ST8SIA2: variants seen among roughly 807,000 people sequenced by gnomAD.
The protein encoded by ST8SIA2 is alpha-2,8-sialyltransferase 8B.
A neutral mutation model predicts 37.6 loss-of-function variants in ST8SIA2; 22 were observed. The observed-to-expected ratio is 0.58, with a 90% CI of 0.42 to 0.83. The LOEUF (loss-of-function observed/expected upper bound fraction) is 0.83. Ranked by LOEUF, ST8SIA2 falls within the 40% of genes least tolerant of loss-of-function variation. The pLI is 0.00. For missense variants in ST8SIA2, 382 were observed against 484.7 expected (o/e 0.79, Z 1.99); for synonymous variants, 205 against 201.2 (o/e 1.02, Z -0.16).
rs2050006412 is a variant in ST8SIA2 at position 92,468,175 on chromosome 15, G to C, written c.*3790G>C. ...TTACCTCTGTGCACACTGACACGTGGTCCCGTCCATCCTGAACATGCACAG... is the reference window on the plus strand; with the variant it reads ...TTACCTCTGTGCACACTGACACGTGCTCCCGTCCATCCTGAACATGCACAG... On this transcript the variant is annotated 3_prime_UTR_variant, in exon 6 of 6. Transcript: ENST00000268164. 6.6e-6 allele frequency: 1 copy of C among 152,560 alleles called. No homozygotes were observed. Among genetic ancestry groups the C allele is most frequent in the African/African-American group, 2.4e-5 (1 of 41,416 alleles). 9.5% of individuals were successfully genotyped at this position (152,560 alleles called of 1,614,324 possible). A position where few individuals can be genotyped will look rare whatever the true frequency, so the allele number is the denominator to read the frequency against.
In ST8SIA2 at chr15:92,434,210, A is replaced by T. The variant is rs780802824; in HGVS notation, c.162-37A>T. ...AGACTTGTCGTCGGCTTGCTAACAC[A>T]TCATGTCTACCCTCTTTCTTTTTTT... On this transcript the variant is annotated intron_variant, in intron 2 of 5. Transcript: ENST00000268164. The T allele has an allele frequency of 4.3e-6, 7 of 1,612,920 alleles. No individual in the cohort carries two copies. In the Admixed American group the frequency reaches 5.0e-5, roughly 12 times the overall value.
chr15:92,394,312 G>A (rs1436626443), intron 1 of ST8SIA2, 150 bp downstream of exon 1: 2 of 775,972 alleles, frequency 2.6e-6, no homozygotes, highest in Non-Finnish European at 4.4e-6. Context: ...AGGTGGCGGC[G>A]ACAGGGGCCC....
chr15:92,454,665 C>T (rs2049906799), intron 5 of ST8SIA2, among the ~76,000 whole-genome samples: 1 of 152,012 alleles, frequency 6.6e-6, no homozygotes, highest in Non-Finnish European at 1.5e-5. Context: ...TCACCAGCAG[C>T]TGGCAGGGCC....
chr15:92,413,435 A>G (rs2049564353), intron 1 of ST8SIA2, among the ~76,000 whole-genome samples: 1 of 152,184 alleles, frequency 6.6e-6, no homozygotes, highest in African/African-American at 2.4e-5. Flanking sequence ...CATACCGAAG[A>G]CTGTGTTCTC....
At chr15:92,419,720 C>T (rs2049617730) in intron 1 of ST8SIA2, among the ~76,000 whole-genome samples, 1 of 152,228 alleles carries the variant, frequency 6.6e-6, no homozygotes, top group East Asian at 1.9e-4. Flanking sequence ...AAGTAGTCCT[C>T]TCTGCCCACA....
chr15:92,464,506 T>A lies in ST8SIA2; in HGVS notation c.*121T>A. On this transcript the variant is annotated 3_prime_UTR_variant, in exon 6 of 6. Transcript: ENST00000268164. The stretch of plus-strand genomic sequence containing the variant: ...GCTAGTGGTTTTCTTTGTTAAAGTG[T>A]AAAACAGTGACCAGAATATATATAT... 1.8e-6 allele frequency: 2 copies of A among 1,083,318 alleles called. No homozygotes were observed. The highest frequency in any genetic ancestry group is 2.8e-6 in the Non-Finnish European group (2 of 709,222). The allele number at this position is 1,083,318 out of a possible 1,614,324, so 67.1% of individuals were successfully genotyped here.
At chr15:92,421,555 A>G (rs2049634241) in intron 1 of ST8SIA2, among the ~76,000 whole-genome samples, 1 of 152,234 alleles carries the variant, frequency 6.6e-6, no homozygotes, top group African/African-American at 2.4e-5. Flanking sequence ...TGAAGTAGAT[A>G]CTATTACTCT....
At chr15:92,428,631 A>T (rs1374840931) in intron 1 of ST8SIA2, among the ~76,000 whole-genome samples, 1 of 152,198 alleles carries the variant, frequency 6.6e-6, no homozygotes, top group Admixed American at 6.5e-5. Flanking sequence ...GGACCCCAAC[A>T]TGGAAGTACA....
chr15:92,421,349 C>T (rs920479916), intron 1 of ST8SIA2: 13 of 152,294 alleles, frequency 8.5e-5, no homozygotes, highest in Admixed American at 4.6e-4. Flanking sequence ...CTTTTCACAT[C>T]GTAGAGCAGG....
chr15:92,409,525 C>CT (rs11414895), intron 1 of ST8SIA2, among the ~76,000 whole-genome samples: 106,538 of 152,062 alleles, frequency 0.7, 38,798 homozygotes, highest in African/African-American at 0.88. Flanking sequence ...TTTTGTTCTG[C>CT]TTTTTTCATT....
chr15:92,406,265 ACCT>A (rs1364492410), intron 1 of ST8SIA2, among the ~76,000 whole-genome samples: 2 of 152,124 alleles, frequency 1.3e-5, no homozygotes, highest in Non-Finnish European at 2.9e-5. Context: ...AACGCTGGAC[ACCT>A]CCTGGAGTTT....
At chr15:92,449,879 C>G (rs1247777418) in intron 5 of ST8SIA2, among the ~76,000 whole-genome samples, 2 of 152,026 alleles carry the variant, frequency 1.3e-5, no homozygotes, top group Admixed American at 1.3e-4. Context: ...TTTAAGTTCC[C>G]TATAGATTCT....
intron 1 of ST8SIA2, among the ~76,000 whole-genome samples, chr15:92,400,412 C>A (rs781764728): frequency 6.6e-6 from 1 of 152,166 alleles, no homozygotes. Context: ...AAGCATTCAG[C>A]CTCTCTGCTC....
Position 92,464,723 on chromosome 15 carries a change from T to A in ST8SIA2, c.*338T>A. ...CCATGACTTTGGATGACAAACTGCC[T>A]CCTGGCTTGGAGGGATCTTTGGGCT... On this transcript the variant is annotated 3_prime_UTR_variant, in exon 6 of 6. Coordinates refer to ENST00000268164, the MANE Select transcript of ST8SIA2 (RefSeq NM_006011.4). The A allele has an allele frequency of 3.0e-6, 1 of 333,722 alleles. No homozygotes were observed. The highest frequency in any genetic ancestry group is 5.6e-6 in the Non-Finnish European group (1 of 177,454). 20.7% of individuals were successfully genotyped at this position (333,722 alleles called of 1,614,324 possible). A position where few individuals can be genotyped will look rare whatever the true frequency, so the allele number is the denominator to read the frequency against.
intron 1 of ST8SIA2, among the ~76,000 whole-genome samples, chr15:92,423,815 G>A (rs1313250671): frequency 2.6e-5 from 4 of 152,242 alleles, no homozygotes; most frequent in African/African-American, 4.8e-5. Context: ...TGAAGGGAAC[G>A]AAACATTCAA....
chr15:92,428,789 G>A (rs1398117778), intron 1 of ST8SIA2, among the ~76,000 whole-genome samples: 1 of 152,222 alleles, frequency 6.6e-6, no homozygotes, highest in African/African-American at 2.4e-5. Flanking sequence ...GGAACCTTAA[G>A]GGAGAACTAA....
At chr15:92,440,403 G>A (rs2049792826) in intron 4 of ST8SIA2, among the ~76,000 whole-genome samples, 3 of 152,172 alleles carry the variant, frequency 2.0e-5, no homozygotes, top group Admixed American at 2.0e-4. Flanking sequence ...CACCCCAGGG[G>A]ACGCCACTGC....
chr15:92,427,260 C>CAAAAAAA (rs55783719), intron 1 of ST8SIA2, among the ~76,000 whole-genome samples: 2 of 102,638 alleles, frequency 1.9e-5, no homozygotes, highest in Non-Finnish European at 4.2e-5. Flanking sequence ...GGGCACTTGG[C>CAAAAAAA]AAAAAAAAAA....
chr15:92,445,017 A>G, intron 5 of ST8SIA2, 88 bp downstream of exon 5: 3 of 1,572,050 alleles, frequency 1.9e-6, no homozygotes, highest in South Asian at 2.2e-5. Context: ...GTGCATTTCC[A>G]TCCCAGCTCC....
Sources: allele counts gnomAD v4.1 joint callset (sites outside exome capture counted in the v4.1 genomes callset), GRCh38; gene constraint gnomAD v4.1.1; transcripts MANE v1.5; gene names NCBI Gene and HGNC (gene_info 2026-07-23, HGNC 2026-07-21).